Variants in CPED1 observed in about 807,000 individuals in gnomAD.
The protein encoded by CPED1 is cadherin-like and PC-esterase domain-containing protein 1.
In CPED1, 114 loss-of-function variants were observed where a neutral mutation model predicts 128.2. The ratio of observed to expected loss-of-function variants is 0.89; its 90% CI spans 0.76 to 1.04. The LOEUF (loss-of-function observed/expected upper bound fraction) is 1.04. CPED1 is among the 50% of genes least tolerant of loss of function. The pLI is 0.00. For missense variants in CPED1, 1,211 were observed against 1,207.1 expected (o/e 1.00, Z -0.05); for synonymous variants, 462 against 426.7 (o/e 1.08, Z -1.02).
chr7:121,201,902 A>G (rs962778844), intron 16 of CPED1, among the ~76,000 whole-genome samples: 6 of 152,128 alleles, frequency 3.9e-5, no homozygotes, highest in African/African-American at 7.2e-5. Flanking sequence ...TCCACCACTG[A>G]TGGCAATTTT....
Position 121,005,290 on chromosome 7 carries a change from C to T in CPED1, c.250-10375C>T, listed in dbSNP as rs895648721. 4.3e-4 allele frequency among the ~76,000 whole-genome samples: 65 copies of T among 152,184 alleles called. 1 individual carries two copies. Among genetic ancestry groups the T allele is most frequent in the African/African-American group, 1.4e-3 (57 of 41,514 alleles). On this transcript the variant is annotated intron_variant, in intron 2 of 22. Coordinates refer to ENST00000310396, the MANE Select transcript of CPED1 (RefSeq NM_024913.5). ...TTTTTTATGGCTGCATAGTATTCCA[C>T]GGTGTTTACGTGCCACATTTTCTTT...
intron 16 of CPED1, among the ~76,000 whole-genome samples, chr7:121,157,803 A>G (rs1796324340): frequency 6.6e-6 from 1 of 152,170 alleles, no homozygotes; most frequent in South Asian, 2.1e-4. Context: ...GAGTTCCTGA[A>G]AATGAATAAA....
intron 22 of CPED1, among the ~76,000 whole-genome samples, chr7:121,278,250 A>G (rs1218236821): frequency 6.6e-6 from 1 of 152,166 alleles, no homozygotes; most frequent in Non-Finnish European, 1.5e-5. Flanking sequence ...AGACAGAATA[A>G]AAATACAGGA....
chr7:121,124,255 C>T, intron 7 of CPED1, 76 bp from the exon 8 acceptor site: 2 of 1,376,416 alleles, frequency 1.5e-6, no homozygotes, highest in Non-Finnish European at 9.8e-7. Context: ...AACAATCCTT[C>T]AAATTGGTCA....
chr7:121,143,449 G>A (rs1270530968), intron 16 of CPED1, among the ~76,000 whole-genome samples: 1 of 151,842 alleles, frequency 6.6e-6, no homozygotes, highest in Non-Finnish European at 1.5e-5. Context: ...ACAGATTTGA[G>A]GAAACACTGG....
At chr7:121,022,134 A>C (rs1792455993) in intron 3 of CPED1, among the ~76,000 whole-genome samples, 1 of 152,006 alleles carries the variant, frequency 6.6e-6, no homozygotes, top group Admixed American at 6.6e-5. Flanking sequence ...CCTTCCACAT[A>C]GGGGCATATG....
chr7:121,135,850 A>G, intron 13 of CPED1, among the ~76,000 whole-genome samples, 190 bp from the exon 14 acceptor site: 1 of 152,024 alleles, frequency 6.6e-6, no homozygotes, highest in African/African-American at 2.4e-5. Context: ...ATTTGAAATA[A>G]TAATTCTTCT....
At chr7:121,198,028 A>G (rs1338233521) in intron 16 of CPED1, among the ~76,000 whole-genome samples, 1 of 152,180 alleles carries the variant, frequency 6.6e-6, no homozygotes, top group Non-Finnish European at 1.5e-5. Flanking sequence ...TCAAAGTTTA[A>G]GTCTAATAAC....
intron 18 of CPED1, among the ~76,000 whole-genome samples, chr7:121,251,571 T>G (rs987767485): frequency 3.9e-5 from 6 of 152,112 alleles, no homozygotes; most frequent in African/African-American, 1.4e-4. Context: ...AAAACCCAAT[T>G]GTCTCAGCCC....
chr7:121,053,313 A>G (rs957931089), intron 4 of CPED1, among the ~76,000 whole-genome samples: 1 of 151,988 alleles, frequency 6.6e-6, no homozygotes, highest in African/African-American at 2.4e-5. Context: ...GATCTGATGC[A>G]ATTTTTTTTT....
At chr7:121,162,229 C>T (rs887888339) in intron 16 of CPED1, among the ~76,000 whole-genome samples, 3 of 152,212 alleles carry the variant, frequency 2.0e-5, no homozygotes, top group African/African-American at 4.8e-5. Context: ...TAAATGTGAA[C>T]AGCAACTGCT....
intron 5 of CPED1, among the ~76,000 whole-genome samples, chr7:121,071,908 G>C (rs1242689297): frequency 6.6e-6 from 1 of 151,992 alleles, no homozygotes; most frequent in Non-Finnish European, 1.5e-5. Context: ...ACCCACAACT[G>C]TCTCTGGAAG....
At chr7:121,032,934 C>T (rs1025114992) in intron 3 of CPED1, among the ~76,000 whole-genome samples, 2 of 152,132 alleles carry the variant, frequency 1.3e-5, no homozygotes, top group Admixed American at 6.5e-5. Context: ...TAGGCGACAG[C>T]CCTGATTACT....
At chr7:121,080,851 T>C (rs1201895543) in intron 5 of CPED1, among the ~76,000 whole-genome samples, 3 of 152,268 alleles carry the variant, frequency 2.0e-5, no homozygotes, top group Admixed American at 2.0e-4. Flanking sequence ...GAGACAGATA[T>C]TGAGCAACAA....
chr7:120,997,241 T>A (rs897020506), intron 2 of CPED1, among the ~76,000 whole-genome samples: 1 of 152,246 alleles, frequency 6.6e-6, no homozygotes. Context: ...ATTGTAACTA[T>A]TTATAAATGA....
intron 13 of CPED1, among the ~76,000 whole-genome samples, 166 bp downstream of exon 13, chr7:121,134,059 A>T (rs1287515929): frequency 6.6e-6 from 1 of 152,064 alleles, no homozygotes; most frequent in Non-Finnish European, 1.5e-5. Flanking sequence ...ATAGAGAGGG[A>T]ATCCAGCAAT....
chr7:121,034,633 A>T (rs1792839694), intron 3 of CPED1, among the ~76,000 whole-genome samples: 1 of 152,096 alleles, frequency 6.6e-6, no homozygotes, highest in Non-Finnish European at 1.5e-5. Flanking sequence ...AGGACCCTAT[A>T]ATTGGTGTGG....
intron 2 of CPED1, among the ~76,000 whole-genome samples, chr7:121,007,121 T>A (rs1792037223): frequency 6.6e-6 from 1 of 152,042 alleles, no homozygotes; most frequent in South Asian, 2.1e-4. Flanking sequence ...ATTCACCCTA[T>A]GCGTAGGGGT....
At chr7:121,165,623 C>T (rs1000499095) in intron 16 of CPED1, among the ~76,000 whole-genome samples, 3 of 152,102 alleles carry the variant, frequency 2.0e-5, no homozygotes, top group Admixed American at 6.6e-5. Flanking sequence ...CATTCTTTCT[C>T]CAATATTTAG....
Sources: gnomAD v4.1 joint callset for allele counts (sites outside exome capture counted in the v4.1 genomes callset) on GRCh38, gnomAD v4.1.1 for gene constraint, MANE v1.5 for transcripts, NCBI Gene and HGNC (gene_info 2026-07-23, HGNC 2026-07-21) for gene names.